Variants in PPP1R9A observed in about 807,000 individuals in gnomAD.
The protein encoded by PPP1R9A is neurabin-1.
In PPP1R9A, 59 loss-of-function variants were observed where a neutral mutation model predicts 141.9. That is an observed-to-expected ratio of 0.42 (90% confidence interval 0.34 to 0.52). The LOEUF (loss-of-function observed/expected upper bound fraction) is 0.52, where lower values mean the gene tolerates loss of function less well. Among genes scored for constraint, PPP1R9A ranks in the 20% least tolerant of loss-of-function variants. PPP1R9A has a pLI of 0.10. For synonymous variants in PPP1R9A, 500 were observed against 569.7 expected (o/e 0.88, Z 1.74); for missense variants, 1,444 against 1,611.9 (o/e 0.90, Z 1.78).
intron 2 of PPP1R9A, among the ~76,000 whole-genome samples, chr7:94,980,003 T>C (rs1306430855): frequency 6.6e-6 from 1 of 152,102 alleles, no homozygotes; most frequent in East Asian, 1.9e-4. Context: ...GGTATAATTG[T>C]CTAGACTAAT....
At chr7:94,937,978 A>G (rs764955342) in intron 2 of PPP1R9A, among the ~76,000 whole-genome samples, 5 of 152,120 alleles carry the variant, frequency 3.3e-5, no homozygotes, top group Admixed American at 6.6e-5. Flanking sequence ...AGAGTTTTCA[A>G]TCTTGAGGGG....
intron 4 of PPP1R9A, among the ~76,000 whole-genome samples, chr7:95,141,680 T>C (rs1169519404): frequency 6.6e-6 from 1 of 152,094 alleles, no homozygotes; most frequent in African/African-American, 2.4e-5. Context: ...GGTTCATTCA[T>C]GTTGTAGCAT....
At chr7:95,181,372 A>G (rs1236350977) in intron 5 of PPP1R9A, among the ~76,000 whole-genome samples, 1 of 137,138 alleles carries the variant, frequency 7.3e-6, no homozygotes, top group Non-Finnish European at 1.5e-5. Context: ...TATGTATGGA[A>G]TATATAGAGA....
intron 4 of PPP1R9A, among the ~76,000 whole-genome samples, chr7:95,134,160 C>T: frequency 6.6e-6 from 1 of 152,244 alleles, no homozygotes; most frequent in Admixed American, 6.5e-5. Flanking sequence ...GAGTTCATGT[C>T]CTTTGCAGGG....
At chr7:95,158,260 GA>G (rs1458813453) in intron 4 of PPP1R9A, among the ~76,000 whole-genome samples, 3 of 151,706 alleles carry the variant, frequency 2.0e-5, no homozygotes, top group Non-Finnish European at 4.4e-5. Context: ...TTATACATTT[GA>G]AAAAAAATAA....
In PPP1R9A at chr7:95,159,360, A is replaced by C. The variant is rs1263062525; in HGVS notation, c.1650-2507A>C. On this transcript the variant is annotated intron_variant, in intron 4 of 19. Coordinates refer to ENST00000433360, the MANE Select transcript of PPP1R9A (RefSeq NM_001166160.2). ...GTAAATTATGCCTATTCATGCATAT[A>C]TATAGATCCTGTTTCAAAAAATCCG... is the stretch of plus-strand genomic sequence containing the variant. Among the ~76,000 whole-genome samples the C allele has an allele frequency of 2.0e-5, 3 of 152,184 alleles. No homozygotes were observed. The East Asian group carries it at 5.8e-4, about 29-fold the overall frequency.
Position 95,163,817 on chromosome 7 carries a change from G to A in PPP1R9A, c.1754+1846G>A, listed in dbSNP as rs1024950023. The stretch of plus-strand genomic sequence containing the variant: ...TGCAGTGGCGCAGTCTCAACTCATT[G>A]CAATCTCTGCCTCCTGGGTTCAAGC... On this transcript the variant is annotated intron_variant, in intron 5 of 19. Transcript: ENST00000433360. Among the ~76,000 whole-genome samples the A allele has an allele frequency of 2.6e-5, 4 of 152,072 alleles. No individual in the cohort carries two copies. In the South Asian group the frequency reaches 8.3e-4, roughly 32 times the overall value.
At chr7:95,274,315 T>C (rs974329639) in intron 16 of PPP1R9A, 147 bp downstream of exon 16, 1 of 743,938 alleles carries the variant, frequency 1.3e-6, no homozygotes, top group Non-Finnish European at 2.1e-6. Flanking sequence ...GCACAATTAG[T>C]TTATATTGGT....
At chr7:95,055,051 A>G (rs920523494) in intron 2 of PPP1R9A, among the ~76,000 whole-genome samples, 4 of 152,214 alleles carry the variant, frequency 2.6e-5, no homozygotes, top group Non-Finnish European at 5.9e-5. Flanking sequence ...AGAGAAATCT[A>G]TGTATTGGAT....
intron 8 of PPP1R9A, among the ~76,000 whole-genome samples, chr7:95,242,290 C>T (rs1050514950): frequency 6.6e-6 from 1 of 152,110 alleles, no homozygotes; most frequent in East Asian, 1.9e-4. Context: ...CTAGAAAGCA[C>T]TTTATAAAGT....
At chr7:94,947,404 C>T (rs1796011261) in intron 2 of PPP1R9A, among the ~76,000 whole-genome samples, 1 of 152,144 alleles carries the variant, frequency 6.6e-6, no homozygotes, top group African/African-American at 2.4e-5. Flanking sequence ...TTGGCTGGGC[C>T]TATATCCTGA....
At chr7:95,184,768 C>T (rs1834374668) in intron 5 of PPP1R9A, among the ~76,000 whole-genome samples, 1 of 152,134 alleles carries the variant, frequency 6.6e-6, no homozygotes, top group Non-Finnish European at 1.5e-5. Context: ...GTGTCCAACT[C>T]CATCCAGGTT....
intron 2 of PPP1R9A, among the ~76,000 whole-genome samples, chr7:94,951,847 T>G (rs1469471463): frequency 6.6e-6 from 1 of 152,076 alleles, no homozygotes; most frequent in Non-Finnish European, 1.5e-5. Flanking sequence ...AGGACTTTTT[T>G]TTTTTTGCAT....
intron 7 of PPP1R9A, among the ~76,000 whole-genome samples, chr7:95,221,174 C>G (rs191065274): frequency 6.6e-6 from 1 of 152,080 alleles, no homozygotes; most frequent in Non-Finnish European, 1.5e-5. Flanking sequence ...GCAACAATAG[C>G]GGTCACTCGT....
intron 2 of PPP1R9A, among the ~76,000 whole-genome samples, chr7:95,002,213 A>G (rs1229914528): frequency 1.3e-5 from 2 of 152,216 alleles, no homozygotes; most frequent in Non-Finnish European, 2.9e-5. Context: ...AATGAGTGTG[A>G]TATTTTAAGT....
intron 2 of PPP1R9A, among the ~76,000 whole-genome samples, chr7:94,915,409 T>C (rs1791950617): frequency 6.6e-6 from 1 of 152,196 alleles, no homozygotes; most frequent in African/African-American, 2.4e-5. Context: ...TCTTAAACTT[T>C]AATATGCATA....
chr7:94,997,166 T>A (rs936776947), intron 2 of PPP1R9A, among the ~76,000 whole-genome samples: 1 of 152,184 alleles, frequency 6.6e-6, no homozygotes, highest in Non-Finnish European at 1.5e-5. Context: ...TTCCATTTTT[T>A]AAATCATATT....
At chr7:95,065,781 T>G (rs904549537) in intron 2 of PPP1R9A, among the ~76,000 whole-genome samples, 3 of 152,026 alleles carry the variant, frequency 2.0e-5, no homozygotes, top group African/African-American at 7.3e-5. Context: ...ACAATAAGGA[T>G]AAAGACAGAT....
intron 8 of PPP1R9A, among the ~76,000 whole-genome samples, chr7:95,241,432 C>T (rs1420126273): frequency 6.6e-6 from 1 of 152,064 alleles, no homozygotes; most frequent in African/African-American, 2.4e-5. Flanking sequence ...CAGAGGGGAT[C>T]TTGGATAGAT....
Sources: gnomAD v4.1 joint callset for allele counts (sites outside exome capture counted in the v4.1 genomes callset) on GRCh38, gnomAD v4.1.1 for gene constraint, MANE v1.5 for transcripts, NCBI Gene and HGNC (gene_info 2026-07-23, HGNC 2026-07-21) for gene names.